SLC28A3: variants seen among roughly 807,000 people sequenced by gnomAD.
SLC28A3 encodes the protein solute carrier family 28 member 3.
SLC28A3 carries 68 observed loss-of-function variants against 84.2 expected under a neutral mutation model. That is an observed-to-expected ratio of 0.81 (90% CI 0.66 to 0.99). SLC28A3 has a LOEUF of 0.99. Among genes scored for constraint, SLC28A3 ranks in the 50% least tolerant of loss-of-function variants. The probability of loss-of-function intolerance (pLI) is 0.00; values close to 1 mark genes in which losing one functional copy is unlikely to be tolerated. For synonymous variants in SLC28A3, 267 were observed against 303.6 expected (o/e 0.88, Z 1.25); for missense variants, 712 against 841.5 (o/e 0.85, Z 1.90).
intron 1 of SLC28A3, among the ~76,000 whole-genome samples, chr9:84,324,413 G>T (rs1826481766): frequency 6.6e-6 from 1 of 152,140 alleles, no homozygotes; most frequent in African/African-American, 2.4e-5. Context: ...GGGGGCTAAG[G>T]TAGGTGGATT....
At chr9:84,307,362 C>T (rs1459215318) in intron 3 of SLC28A3, among the ~76,000 whole-genome samples, 8 of 145,018 alleles carry the variant, frequency 5.5e-5, no homozygotes, top group Non-Finnish European at 1.0e-4. Context: ...ATCTAGGAGG[C>T]GGAGGTTGCA....
chr9:84,345,984 C>T, the SLC28A3 span, among the ~76,000 whole-genome samples: 2 of 152,148 alleles, frequency 1.3e-5, no homozygotes, highest in African/African-American at 4.8e-5. Flanking sequence ...TTCAGTTTTA[C>T]AAGACTACAT....
At chr9:84,336,372 C>T (rs975127011) in intron 1 of SLC28A3, among the ~76,000 whole-genome samples, 2 of 152,066 alleles carry the variant, frequency 1.3e-5, no homozygotes, top group African/African-American at 2.4e-5. Flanking sequence ...GGTGTGGTGG[C>T]ATATGCCTGT....
rs1824506457 is a variant in SLC28A3 at position 84,275,678 on chromosome 9, T to TA, written c.*2539dup. The TA allele has an allele frequency of 6.6e-6, 1 of 152,188 alleles. No individual in the cohort carries two copies. The highest frequency in any genetic ancestry group is 2.4e-5 in the African/African-American group (1 of 41,436). The allele number at this position is 152,188 out of a possible 1,614,324, so 9.4% of individuals were successfully genotyped here. A position where few individuals can be genotyped will look rare whatever the true frequency, so the allele number is the denominator to read the frequency against. On this transcript the variant is annotated 3_prime_UTR_variant, in exon 18 of 18. Coordinates refer to ENST00000376238, the MANE Select transcript of SLC28A3 (RefSeq NM_001199633.2). Reference sequence around the variant, plus strand: ...TTGTTTCACTGGGAGAAGGGCCACTTACGACGTTCACAGGGTATTGGTGAG... The same window carrying TA: ...TTGTTTCACTGGGAGAAGGGCCACTTAACGACGTTCACAGGGTATTGGTGAG...
At chr9:84,289,387 G>A (rs1333362692) in intron 11 of SLC28A3, among the ~76,000 whole-genome samples, 4 of 152,244 alleles carry the variant, frequency 2.6e-5, no homozygotes, top group Non-Finnish European at 4.4e-5. Context: ...CTGTGTCTAT[G>A]TGTGGCTTGT....
chr9:84,342,205 G>A (rs781355671), upstream of SLC28A3, among the ~76,000 whole-genome samples: 12 of 149,920 alleles, frequency 8.0e-5, no homozygotes, highest in South Asian at 2.1e-4. Context: ...GTTATTTCTC[G>A]GTTTTTAATT....
intron 1 of SLC28A3, among the ~76,000 whole-genome samples, chr9:84,330,760 CAAATAT>C (rs753015561): frequency 1.1e-4 from 16 of 151,940 alleles, no homozygotes; most frequent in Non-Finnish European, 2.2e-4. Flanking sequence ...TGGTATGAAA[CAAATAT>C]AAATTATTTC....
intron 1 of SLC28A3, among the ~76,000 whole-genome samples, chr9:84,321,733 CAAAA>C (rs10707383): frequency 1.5e-5 from 1 of 65,108 alleles, no homozygotes; most frequent in Admixed American, 1.8e-4. Context: ...GACTCCGTCT[CAAAA>C]AAAAAAAAAA....
At chr9:84,300,343 T>G (rs1052298203) in intron 5 of SLC28A3, among the ~76,000 whole-genome samples, 5 of 152,198 alleles carry the variant, frequency 3.3e-5, no homozygotes, top group African/African-American at 1.2e-4. Flanking sequence ...AGAGAGCTAC[T>G]GGGATTCTTC....
chr9:84,323,743 C>T (rs992609169), intron 1 of SLC28A3, among the ~76,000 whole-genome samples: 44 of 151,906 alleles, frequency 2.9e-4, no homozygotes, highest in Non-Finnish European at 4.6e-4. Context: ...CCACTGTGCC[C>T]CACCCCAGTA....
At chr9:84,327,654 C>T (rs909631929) in intron 1 of SLC28A3, among the ~76,000 whole-genome samples, 2 of 152,002 alleles carry the variant, frequency 1.3e-5, no homozygotes, top group East Asian at 1.9e-4. Flanking sequence ...TGGATGGGTG[C>T]GGTGGCTAAT....
chr9:84,348,929 A>G, the SLC28A3 span, among the ~76,000 whole-genome samples: 1 of 144,126 alleles, frequency 6.9e-6, no homozygotes, highest in Non-Finnish European at 1.5e-5. Flanking sequence ...TTTTTTTGAG[A>G]TGGAGTTTCA....
the SLC28A3 span, among the ~76,000 whole-genome samples, chr9:84,366,786 G>A: frequency 2.0e-5 from 3 of 152,174 alleles, no homozygotes; most frequent in Non-Finnish European, 2.9e-5. Context: ...GGGGTGGAGC[G>A]ACACAAGCAC....
chr9:84,299,790 CTTAAT>C (rs1825556603), intron 5 of SLC28A3, 65 bp from the exon 6 acceptor site: 1 of 1,504,656 alleles, frequency 6.6e-7, no homozygotes, highest in Admixed American at 2.4e-5. Flanking sequence ...CATAATCAGG[CTTAAT>C]TTTTTTTTTT....
intron 1 of SLC28A3, among the ~76,000 whole-genome samples, chr9:84,314,239 A>G (rs1276589395): frequency 6.6e-6 from 1 of 152,000 alleles, no homozygotes; most frequent in African/African-American, 2.4e-5. Context: ...GGCTGTCTTG[A>G]TTTTACTTTA....
the SLC28A3 span, among the ~76,000 whole-genome samples, chr9:84,367,292 G>T: frequency 6.6e-6 from 1 of 152,326 alleles, no homozygotes; most frequent in African/African-American, 2.4e-5. Context: ...CAGGGCAATG[G>T]GCTCCCCTCT....
chr9:84,302,569 G>A (rs371006059), intron 4 of SLC28A3, among the ~76,000 whole-genome samples, 180 bp from the exon 5 acceptor site: 1 of 152,148 alleles, frequency 6.6e-6, no homozygotes, highest in East Asian at 1.9e-4. Context: ...ATTTTTCAAA[G>A]CAAGTCTCAA....
chr9:84,283,711 A>C (rs1824862169), intron 14 of SLC28A3, among the ~76,000 whole-genome samples: 1 of 152,220 alleles, frequency 6.6e-6, no homozygotes, highest in Non-Finnish European at 1.5e-5. Context: ...TGGGGGCTGC[A>C]TAGTACTCTC....
intron 16 of SLC28A3, 129 bp downstream of exon 16, chr9:84,279,846 T>G: frequency 1.2e-6 from 1 of 834,770 alleles, no homozygotes. Flanking sequence ...TACAGTATGC[T>G]TAAGAGCAGC....
Sources: allele counts gnomAD v4.1 joint callset (sites outside exome capture counted in the v4.1 genomes callset), GRCh38; gene constraint gnomAD v4.1.1; transcripts MANE v1.5; gene names NCBI Gene and HGNC (gene_info 2026-07-23, HGNC 2026-07-21).